EXOC4: variants seen among roughly 807,000 people sequenced by gnomAD.
EXOC4 encodes exocyst complex component 4.
In EXOC4, 71 loss-of-function variants were observed where a neutral mutation model predicts 107.2. The observed-to-expected ratio is 0.66, with a 90% CI of 0.55 to 0.81. The LOEUF is 0.81. Ranked by LOEUF, EXOC4 falls within the 30% of genes least tolerant of loss-of-function variation. EXOC4 has a pLI of 0.00. For missense variants in EXOC4, 1,108 were observed against 1,189.6 expected (o/e 0.93, Z 1.01); for synonymous variants, 456 against 441.2 (o/e 1.03, Z -0.42).
chr7:133,447,151 C>T (rs948929323), intron 7 of EXOC4: 3 of 152,128 alleles, frequency 2.0e-5, no homozygotes, highest in African/African-American at 7.2e-5. Context: ...ATTTTATAGT[C>T]ACTTGTATTT....
At chr7:133,875,588 A>G (rs1798831573) in intron 11 of EXOC4, among the ~76,000 whole-genome samples, 1 of 152,128 alleles carries the variant, frequency 6.6e-6, no homozygotes, top group Admixed American at 6.6e-5. Flanking sequence ...AGAATGGTCT[A>G]CTGATGATCA....
At chr7:134,040,226 C>G (rs1795483620) in intron 17 of EXOC4, among the ~76,000 whole-genome samples, 2 of 152,170 alleles carry the variant, frequency 1.3e-5, no homozygotes, top group South Asian at 4.1e-4. Context: ...TTGCCCAATC[C>G]TTAGAGTGAC....
intron 11 of EXOC4, among the ~76,000 whole-genome samples, chr7:133,884,437 G>T (rs1466818096): frequency 6.6e-6 from 1 of 152,172 alleles, no homozygotes; most frequent in Non-Finnish European, 1.5e-5. Context: ...GGCCTCAGAT[G>T]TTTATCCTAG....
chr7:133,700,296 AT>A (rs1397874553), intron 10 of EXOC4, among the ~76,000 whole-genome samples: 1 of 151,978 alleles, frequency 6.6e-6, no homozygotes, highest in African/African-American at 2.4e-5. Context: ...AAAATTACTT[AT>A]TTTCTCTTGA....
At chr7:133,537,398 A>T (rs1800294278) in intron 9 of EXOC4, among the ~76,000 whole-genome samples, 2 of 151,164 alleles carry the variant, frequency 1.3e-5, no homozygotes, top group South Asian at 4.2e-4. Flanking sequence ...ACCTCAAGTC[A>T]TCTGCCTGCC....
At chr7:133,620,012 G>GT (rs1554480044) in intron 9 of EXOC4, among the ~76,000 whole-genome samples, 3,107 of 146,424 alleles carry the variant, frequency 0.021, 112 homozygotes, top group African/African-American at 0.074. Context: ...GTGTGTGTTT[G>GT]TTTTTTTTTG....
At chr7:134,076,069 G>A in the EXOC4 span, among the ~76,000 whole-genome samples, 7 of 152,234 alleles carry the variant, frequency 4.6e-5, no homozygotes, top group Non-Finnish European at 8.8e-5. Flanking sequence ...AGAGCAGAAA[G>A]AGCAAGGGAA....
chr7:133,854,408 GCACACA>G (rs56849407), intron 11 of EXOC4, among the ~76,000 whole-genome samples: 2,018 of 139,540 alleles, frequency 0.014, 23 homozygotes, highest in East Asian at 0.034. Context: ...TGTTGAAAGA[GCACACA>G]CACACACACA....
chr7:133,535,622 T>G (rs1005337732), intron 9 of EXOC4, among the ~76,000 whole-genome samples: 10 of 152,226 alleles, frequency 6.6e-5, no homozygotes, highest in African/African-American at 2.4e-4. Flanking sequence ...TGGTACTGTT[T>G]TATGGAAAGC....
At position 133,857,241 on chromosome 7, in the gene EXOC4, T is replaced by TCA. The variant is rs1367095569; in HGVS notation, c.1735-38355_1735-38354dup. On this transcript the variant is annotated intron_variant, in intron 11 of 17. Transcript: ENST00000253861. ...ACCTCCCTGGATGATTGTCTTAGTGTCACATATATATATATATATATATAT... is the reference window on the plus strand; with the variant it reads ...ACCTCCCTGGATGATTGTCTTAGTGTCACACATATATATATATATATATATAT... 9.8e-4 allele frequency among the ~76,000 whole-genome samples: 15 copies of TCA among 15,304 alleles called. 2 individuals are homozygous for TCA. Among genetic ancestry groups the TCA allele is most frequent in the Non-Finnish European group, 1.4e-3 (13 of 9,310 alleles). 10.0% of individuals were successfully genotyped at this position (15,304 alleles called of 152,430 possible).
intron 17 of EXOC4, among the ~76,000 whole-genome samples, chr7:134,061,623 A>T (rs532347882): frequency 6.6e-6 from 1 of 152,284 alleles, no homozygotes; most frequent in African/African-American, 2.4e-5. Flanking sequence ...CTCTCATTTC[A>T]TTTGGTAAAT....
At chr7:133,357,864 T>A (rs1257354485) in intron 6 of EXOC4, among the ~76,000 whole-genome samples, 1 of 152,184 alleles carries the variant, frequency 6.6e-6, no homozygotes, top group African/African-American at 2.4e-5. Flanking sequence ...GGAACTACCC[T>A]TTATCCTTCT....
At chr7:133,295,990 A>AT (rs1289466311) in intron 3 of EXOC4, among the ~76,000 whole-genome samples, 3 of 152,100 alleles carry the variant, frequency 2.0e-5, no homozygotes, top group Non-Finnish European at 4.4e-5. Context: ...TTCCGTATGG[A>AT]TTTTCCACAA....
intron 7 of EXOC4, among the ~76,000 whole-genome samples, chr7:133,465,545 T>C (rs541545198): frequency 6.6e-6 from 1 of 152,268 alleles, no homozygotes; most frequent in South Asian, 2.1e-4. Flanking sequence ...ACCACCCTGA[T>C]TTAAACTGAC....
chr7:133,448,740 C>T (rs1798275122), intron 7 of EXOC4, among the ~76,000 whole-genome samples: 1 of 152,164 alleles, frequency 6.6e-6, no homozygotes, highest in African/African-American at 2.4e-5. Flanking sequence ...TTTGCAGATG[C>T]AGTCAAATTA....
chr7:133,901,501 C>T (rs1799450290), intron 12 of EXOC4, among the ~76,000 whole-genome samples: 1 of 152,280 alleles, frequency 6.6e-6, no homozygotes, highest in African/African-American at 2.4e-5. Context: ...AGCTTTTCTA[C>T]CTACTATTTA....
chr7:133,977,656 T>G (rs1024522121), intron 14 of EXOC4, among the ~76,000 whole-genome samples: 3 of 152,192 alleles, frequency 2.0e-5, no homozygotes, highest in African/African-American at 7.2e-5. Flanking sequence ...TTTTCTTTGC[T>G]TTGGGTTGGT....
rs146608819 is a variant in EXOC4 at position 133,958,402 on chromosome 7, A to G, written c.2206+20333A>G. Among the ~76,000 whole-genome samples, 13 of 152,238 alleles carry G rather than the reference A, an allele frequency of 8.5e-5. No individual in the cohort carries two copies. The East Asian group carries it at 1.4e-3, about 16-fold the overall frequency. ...CTTAGGATTAAATAGTATGATTACT[A>G]TTTCCACATATTTCCACAGTATTTT... On this transcript the variant is annotated intron_variant, in intron 14 of 17. Coordinates refer to ENST00000253861, the MANE Select transcript of EXOC4 (RefSeq NM_021807.4).
chr7:133,370,214 A>C (rs964251257), intron 6 of EXOC4, among the ~76,000 whole-genome samples: 8 of 143,938 alleles, frequency 5.6e-5, no homozygotes, highest in Admixed American at 5.3e-4. Flanking sequence ...TATTTTGCCA[A>C]GGTTAAGGAC....
Sources: gnomAD v4.1 joint callset for allele counts (sites outside exome capture counted in the v4.1 genomes callset) on GRCh38, gnomAD v4.1.1 for gene constraint, MANE v1.5 for transcripts, NCBI Gene and HGNC (gene_info 2026-07-23, HGNC 2026-07-21) for gene names.